The following FNDC3B variants were observed in gnomAD, a reference collection of about 807,000 sequenced individuals.
The protein encoded by FNDC3B is fibronectin type III domain-containing protein 3B.
Under a neutral mutation model 151.5 loss-of-function variants are expected in FNDC3B, and 12 were observed. The ratio of observed to expected loss-of-function variants is 0.08; its 90% CI spans 0.05 to 0.13. FNDC3B has a LOEUF of 0.13. FNDC3B is among the 10% of genes least tolerant of loss of function. The pLI, the probability that FNDC3B is intolerant of heterozygous loss-of-function variation, is 1.00. For synonymous variants in FNDC3B, 528 were observed against 549.0 expected, an observed-to-expected ratio of 0.96 and a Z score of 0.54; for missense variants, 1,214 against 1,505.3, an observed-to-expected ratio of 0.81 and a Z score of 3.20.
chr3:172,252,267 G>A (rs1186373679), intron 6 of FNDC3B, among the ~76,000 whole-genome samples: 1 of 152,034 alleles, frequency 6.6e-6, no homozygotes, highest in Non-Finnish European at 1.5e-5. Flanking sequence ...ATAGGCATAG[G>A]GAAGAATGAC....
chr3:172,210,458 A>G (rs1691337877), intron 3 of FNDC3B, among the ~76,000 whole-genome samples: 1 of 152,086 alleles, frequency 6.6e-6, no homozygotes, highest in African/African-American at 2.4e-5. Flanking sequence ...CTTCCACTTC[A>G]GCCTCCCAAG....
At chr3:172,161,907 C>T (rs1722792238) in intron 3 of FNDC3B, among the ~76,000 whole-genome samples, 1 of 151,908 alleles carries the variant, frequency 6.6e-6, no homozygotes, top group Admixed American at 6.6e-5. Context: ...TAGAGAGTTG[C>T]TTATTCTGTC....
chr3:172,191,949 G>A (rs750602486), intron 3 of FNDC3B, among the ~76,000 whole-genome samples: 25 of 152,152 alleles, frequency 1.6e-4, no homozygotes, highest in Non-Finnish European at 3.1e-4. Context: ...GGTGGTGTAT[G>A]CCATGGCCCT....
At chr3:172,316,713 A>T (rs748106348) in intron 11 of FNDC3B, among the ~76,000 whole-genome samples, 5 of 152,212 alleles carry the variant, frequency 3.3e-5, no homozygotes, top group Non-Finnish European at 7.3e-5. Context: ...GTCACCTAAG[A>T]TCTTGCTATG....
chr3:172,264,332 A>C (rs898116910), intron 6 of FNDC3B, among the ~76,000 whole-genome samples: 1 of 152,188 alleles, frequency 6.6e-6, no homozygotes, highest in Non-Finnish European at 1.5e-5. Context: ...CAAGGACAGC[A>C]GGTTCTATGG....
intron 11 of FNDC3B, 67 bp downstream of exon 11, chr3:172,310,948 C>A: frequency 9.2e-7 from 1 of 1,086,230 alleles, no homozygotes; most frequent in Non-Finnish European, 1.4e-6. Flanking sequence ...TGAACAAATG[C>A]CATCTTATTC....
chr3:172,270,312 T>G lies in FNDC3B; in HGVS notation c.791-15614T>G, dbSNP rs567283686. Among the ~76,000 whole-genome samples the G allele has an allele frequency of 2.5e-4, 38 of 152,342 alleles. 1 individual carries two copies. In the Middle Eastern group the frequency reaches 0.01, roughly 41 times the overall value. Reference sequence around the variant, plus strand: ...CACAGCAGCTGGGTGAAGTTTTTATTAAAACCCCCATGTTTTCCTTTCGAA... The same window carrying G: ...CACAGCAGCTGGGTGAAGTTTTTATGAAAACCCCCATGTTTTCCTTTCGAA... On this transcript the variant is annotated intron_variant, in intron 6 of 25. Coordinates refer to ENST00000415807, the MANE Select transcript of FNDC3B (RefSeq NM_022763.4).
intron 25 of FNDC3B, among the ~76,000 whole-genome samples, chr3:172,390,192 A>G (rs1735935217): frequency 6.6e-6 from 1 of 152,234 alleles, no homozygotes; most frequent in Non-Finnish European, 1.5e-5. Flanking sequence ...CTTAAATGTA[A>G]AAAAGATAAT....
At chr3:172,112,848 A>G (rs1720044388) in intron 2 of FNDC3B, among the ~76,000 whole-genome samples, 1 of 152,222 alleles carries the variant, frequency 6.6e-6, no homozygotes, top group Non-Finnish European at 1.5e-5. Context: ...AGACTGCATA[A>G]AAGTCTTCGA....
At chr3:172,041,148 C>T (rs750337591) in intron 1 of FNDC3B, among the ~76,000 whole-genome samples, 1 of 152,166 alleles carries the variant, frequency 6.6e-6, no homozygotes, top group Non-Finnish European at 1.5e-5. Flanking sequence ...GTTTCTCTCT[C>T]CATCCCTGCT....
At chr3:172,256,564 T>A (rs1728356738) in intron 6 of FNDC3B, among the ~76,000 whole-genome samples, 1 of 152,222 alleles carries the variant, frequency 6.6e-6, no homozygotes, top group Non-Finnish European at 1.5e-5. Context: ...AAGTTTCTGT[T>A]GCTCTTCATT....
chr3:172,170,754 A>C (rs1305194404), intron 3 of FNDC3B, among the ~76,000 whole-genome samples: 1 of 152,238 alleles, frequency 6.6e-6, no homozygotes, highest in Admixed American at 6.5e-5. Context: ...AGAAGGGCTC[A>C]GATGAAACAT....
chr3:172,078,814 A>C (rs1346945659), intron 1 of FNDC3B, among the ~76,000 whole-genome samples: 1 of 152,164 alleles, frequency 6.6e-6, no homozygotes, highest in Non-Finnish European at 1.5e-5. Context: ...TCCTCAAATG[A>C]GAGGGGCAAT....
At chr3:172,355,210 G>A (rs777285721) in intron 22 of FNDC3B, among the ~76,000 whole-genome samples, 17 of 152,244 alleles carry the variant, frequency 1.1e-4, no homozygotes, top group Non-Finnish European at 2.2e-4. Context: ...TGTGCTTCCA[G>A]CCAAGTAGTC....
chr3:172,348,751 T>C (rs1243060009), intron 21 of FNDC3B, among the ~76,000 whole-genome samples: 41 of 152,202 alleles, frequency 2.7e-4, no homozygotes. Flanking sequence ...CCTCGTTGTA[T>C]TAACAGGAGT....
At chr3:172,248,820 A>G (rs1348312324) in intron 5 of FNDC3B, among the ~76,000 whole-genome samples, 2 of 150,870 alleles carry the variant, frequency 1.3e-5, no homozygotes, top group Non-Finnish European at 1.5e-5. Flanking sequence ...TTTAAGTGAA[A>G]TATATCGTTG....
chr3:172,208,680 T>C (rs920830748), intron 3 of FNDC3B, among the ~76,000 whole-genome samples: 1 of 150,946 alleles, frequency 6.6e-6, no homozygotes, highest in Non-Finnish European at 1.5e-5. Flanking sequence ...GCGGCGCCTC[T>C]GCTTGAGTTT....
chr3:172,322,614 G>A (rs1239620813), intron 11 of FNDC3B, among the ~76,000 whole-genome samples: 2 of 152,100 alleles, frequency 1.3e-5, no homozygotes, highest in Non-Finnish European at 2.9e-5. Flanking sequence ...TCTTTGTATA[G>A]CACATACAGT....
At chr3:172,247,498 T>A (rs1727839154) in intron 4 of FNDC3B, 35 bp from the exon 5 acceptor site, 3 of 1,603,606 alleles carry the variant, frequency 1.9e-6, no homozygotes, top group African/African-American at 1.3e-5. Flanking sequence ...GCTGCTAATA[T>A]GTACTGCGTT....
Sources: gnomAD v4.1 joint callset for allele counts (sites outside exome capture counted in the v4.1 genomes callset) on GRCh38, gnomAD v4.1.1 for gene constraint, MANE v1.5 for transcripts, NCBI Gene and HGNC (gene_info 2026-07-23, HGNC 2026-07-21) for gene names.